CHL1: variants seen among roughly 807,000 people sequenced by gnomAD.
CHL1 encodes neural cell adhesion molecule L1-like protein.
CHL1 carries 96 observed loss-of-function variants against 141.9 expected under a neutral mutation model. The observed-to-expected ratio is 0.68, with a 90% CI of 0.57 to 0.80. The LOEUF is 0.80. CHL1 is among the 30% of genes least tolerant of loss of function. CHL1 has a pLI of 0.00. For synonymous variants in CHL1, 613 were observed against 502.2 expected, an observed-to-expected ratio of 1.22 and a Z score of -2.95; for missense variants, 1,820 against 1,457.2, an observed-to-expected ratio of 1.25 and a Z score of -4.05.
intron 5 of CHL1, 128 bp from the exon 6 acceptor site, chr3:340,666 A>T (rs1472296440): frequency 1.3e-6 from 1 of 744,458 alleles, no homozygotes; most frequent in Non-Finnish European, 2.2e-6. Context: ...GAGATGTAAG[A>T]ACCAGGATCT....
chr3:276,494 G>C (rs938653953), intron 2 of CHL1, among the ~76,000 whole-genome samples: 1 of 152,254 alleles, frequency 6.6e-6, no homozygotes, highest in East Asian at 1.9e-4. Flanking sequence ...GTTTCAATAA[G>C]AGGCAAGAAG....
intron 9 of CHL1, among the ~76,000 whole-genome samples, chr3:346,756 T>C (rs927969279): frequency 6.6e-6 from 1 of 152,148 alleles, no homozygotes; most frequent in Non-Finnish European, 1.5e-5. Context: ...CAGAAGATGA[T>C]ACATTTTTAA....
intron 26 of CHL1, among the ~76,000 whole-genome samples, chr3:399,526 G>A (rs971771344): frequency 6.6e-6 from 1 of 152,150 alleles, no homozygotes; most frequent in African/African-American, 2.4e-5. Context: ...TGTAATCCCA[G>A]CTACTCGGAA....
chr3:343,527 T>A (rs1399646906), intron 8 of CHL1, among the ~76,000 whole-genome samples: 1 of 152,214 alleles, frequency 6.6e-6, no homozygotes, highest in Non-Finnish European at 1.5e-5. Context: ...GTCTGCGTGA[T>A]CTTTTTATTT....
intron 22 of CHL1, 21 bp from the exon 23 acceptor site, chr3:391,654 T>G (rs1256196023): frequency 6.4e-7 from 1 of 1,570,692 alleles, no homozygotes; most frequent in South Asian, 1.2e-5. Flanking sequence ...GTGAGTTTAT[T>G]TTTGGTCTTG....
intron 15 of CHL1, among the ~76,000 whole-genome samples, chr3:376,903 T>C (rs1261401916): frequency 6.6e-6 from 1 of 152,170 alleles, no homozygotes; most frequent in African/African-American, 2.4e-5. Flanking sequence ...CTGTCTATAA[T>C]CAAAATAACT....
chr3:320,302 C>T (rs1049494011), intron 3 of CHL1, among the ~76,000 whole-genome samples: 2 of 151,752 alleles, frequency 1.3e-5, no homozygotes, highest in East Asian at 3.9e-4. Context: ...AGAATGAAAA[C>T]AATGAATTAG....
At chr3:286,090 G>C (rs966746654) in intron 2 of CHL1, among the ~76,000 whole-genome samples, 5 of 151,848 alleles carry the variant, frequency 3.3e-5, no homozygotes, top group African/African-American at 1.2e-4. Flanking sequence ...TTCCAAGTTA[G>C]AGATCCCCTT....
intron 1 of CHL1, among the ~76,000 whole-genome samples, chr3:216,440 A>G (rs11714407): frequency 0.23 from 35,366 of 152,148 alleles, 5,041 homozygotes; most frequent in Middle Eastern, 0.42. Flanking sequence ...ATTTTCTTTC[A>G]TAAAGCTGAG....
chr3:322,939 C>T (rs1242829896), intron 3 of CHL1, among the ~76,000 whole-genome samples: 2 of 151,670 alleles, frequency 1.3e-5, no homozygotes, highest in African/African-American at 4.8e-5. Context: ...ATTGTTGAAG[C>T]ACTTAAAAAT....
At chr3:323,572 A>G (rs944120611) in intron 3 of CHL1, among the ~76,000 whole-genome samples, 3 of 152,142 alleles carry the variant, frequency 2.0e-5, no homozygotes, top group Admixed American at 6.6e-5. Context: ...ACTTGTATCT[A>G]CAATCATCAG....
intron 2 of CHL1, among the ~76,000 whole-genome samples, chr3:298,244 G>T (rs985157031): frequency 3.3e-5 from 5 of 152,190 alleles, no homozygotes; most frequent in African/African-American, 1.2e-4. Flanking sequence ...ACAATAAGTC[G>T]AATTGCTAAA....
rs1027714748 is a variant in CHL1, at chr3:399,061, A to G, written c.3298A>G (p.Ile1100Val). Residue 1100 changes from isoleucine to valine, a missense_variant, in exon 26 of 28, where the codon ATT (isoleucine) becomes GTT (valine). Transcript: ENST00000256509. ...YDDISTQGWFIGLMCAIALLT... is the reference protein window; with the variant it reads ...YDDISTQGWFVGLMCAIALLT... ...TGACATCTCCACTCAAGGCTGGTTT[A>G]TTGGACTGATGTGTGCGATTGCTCT... is the stretch of plus-strand genomic sequence containing the variant. 2 of 1,611,462 alleles carry G rather than the reference A, an allele frequency of 1.2e-6. No individual in the cohort carries two copies. The highest frequency in any genetic ancestry group is 1.1e-5 in the South Asian group (1 of 91,032).
intron 1 of CHL1, among the ~76,000 whole-genome samples, chr3:241,584 GT>G (rs397963992): frequency 1.4e-4 from 21 of 148,106 alleles, no homozygotes; most frequent in South Asian, 2.1e-4. Flanking sequence ...CTTCTCTCTG[GT>G]TTTTTTTTTT....
chr3:228,183 T>C (rs1454053565), intron 1 of CHL1, among the ~76,000 whole-genome samples: 4 of 152,206 alleles, frequency 2.6e-5, no homozygotes, highest in Admixed American at 2.6e-4. Context: ...AAAAACAATA[T>C]GTTTTTTAAG....
intron 15 of CHL1, among the ~76,000 whole-genome samples, chr3:370,054 T>C (rs1246447290): frequency 6.6e-6 from 1 of 152,002 alleles, no homozygotes; most frequent in Non-Finnish European, 1.5e-5. Flanking sequence ...TTGGCCTGAA[T>C]GTTCCTTTTT....
At chr3:271,436 C>T (rs1695627812) in intron 2 of CHL1, among the ~76,000 whole-genome samples, 2 of 152,034 alleles carry the variant, frequency 1.3e-5, no homozygotes, top group Non-Finnish European at 2.9e-5. Context: ...GAGACCCTGT[C>T]TCAAAAAAAT....
At chr3:264,364 G>A (rs1179200835) in intron 2 of CHL1, among the ~76,000 whole-genome samples, 1 of 152,058 alleles carries the variant, frequency 6.6e-6, no homozygotes, top group East Asian at 1.9e-4. Context: ...TAACTCAGTA[G>A]GAATAGGAGT....
At chr3:343,117 A>T in intron 8 of CHL1, 86 bp downstream of exon 8, 1 of 1,028,498 alleles carries the variant, frequency 9.7e-7, no homozygotes, top group Non-Finnish European at 1.4e-6. Flanking sequence ...ATATCCTCTT[A>T]AGTTTATTAC....
Sources: gnomAD v4.1 joint callset for allele counts (sites outside exome capture counted in the v4.1 genomes callset) on GRCh38, gnomAD v4.1.1 for gene constraint, MANE v1.5 for transcripts, NCBI Gene and HGNC (gene_info 2026-07-23, HGNC 2026-07-21) for gene names.